KCNB2: variants seen among roughly 807,000 people sequenced by gnomAD.
KCNB2 encodes the protein delayed rectifier potassium channel protein.
Under a neutral mutation model 61.5 loss-of-function variants are expected in KCNB2, and 15 were observed. The ratio of observed to expected loss-of-function variants is 0.24; its 90% CI spans 0.16 to 0.38. The LOEUF (loss-of-function observed/expected upper bound fraction) is 0.38, where lower values mean the gene tolerates loss of function less well. KCNB2 is among the 10% of genes least tolerant of loss of function. The pLI, the probability that KCNB2 is intolerant of heterozygous loss-of-function variation, is 1.00. For synonymous variants in KCNB2, 457 were observed against 446.0 expected (o/e 1.02, Z -0.31); for missense variants, 828 against 1,125.2 (o/e 0.74, Z 3.78).
chr8:72,601,359 C>T (rs1487457198), intron 2 of KCNB2, among the ~76,000 whole-genome samples: 5 of 152,086 alleles, frequency 3.3e-5, no homozygotes, highest in African/African-American at 9.7e-5. Context: ...ATGGGAAATA[C>T]TGTCATTAGA....
chr8:72,790,665 C>T (rs148040121), intron 2 of KCNB2, among the ~76,000 whole-genome samples: 242 of 152,208 alleles, frequency 1.6e-3, no homozygotes, highest in African/African-American at 5.4e-3. Context: ...TTTTTTTCTC[C>T]TACTACCTCT....
intron 2 of KCNB2, among the ~76,000 whole-genome samples, chr8:72,788,669 G>T (rs1411361546): frequency 6.6e-6 from 1 of 152,108 alleles, no homozygotes; most frequent in African/African-American, 2.4e-5. Context: ...AAGAGGACAA[G>T]TTTCAGTCCA....
chr8:72,572,912 T>C (rs1806734331), intron 2 of KCNB2, among the ~76,000 whole-genome samples: 1 of 152,136 alleles, frequency 6.6e-6, no homozygotes, highest in African/African-American at 2.4e-5. Context: ...CACAGGTCCA[T>C]TGTCGTTGGC....
At chr8:72,616,493 T>A (rs1292987441) in intron 2 of KCNB2, among the ~76,000 whole-genome samples, 1 of 152,230 alleles carries the variant, frequency 6.6e-6, no homozygotes, top group Non-Finnish European at 1.5e-5. Context: ...TAGGCTTTTT[T>A]CTTTTTTCAT....
At chr8:72,889,809 G>A (rs1167144264) in intron 2 of KCNB2, among the ~76,000 whole-genome samples, 1 of 152,170 alleles carries the variant, frequency 6.6e-6, no homozygotes, top group East Asian at 1.9e-4. Flanking sequence ...CATCTGGAGT[G>A]CAGTGGTACA....
chr8:72,684,730 A>G (rs1215704890), intron 2 of KCNB2, among the ~76,000 whole-genome samples: 1 of 152,188 alleles, frequency 6.6e-6, no homozygotes, highest in Admixed American at 6.5e-5. Flanking sequence ...GTTAAAACAG[A>G]CTATCACTAG....
At chr8:72,778,123 G>T (rs1351624187) in intron 2 of KCNB2, among the ~76,000 whole-genome samples, 1 of 152,092 alleles carries the variant, frequency 6.6e-6, no homozygotes, top group Non-Finnish European at 1.5e-5. Context: ...AGCTCCTGTG[G>T]GTGGACCATA....
At chr8:72,839,860 GC>G (rs1358894210) in intron 2 of KCNB2, among the ~76,000 whole-genome samples, 1 of 151,422 alleles carries the variant, frequency 6.6e-6, no homozygotes, top group African/African-American at 2.4e-5. Context: ...TGATCCACCC[GC>G]CTCCGCCTCC....
chr8:72,731,834 A>G (rs1209295101), intron 2 of KCNB2, among the ~76,000 whole-genome samples: 1 of 152,202 alleles, frequency 6.6e-6, no homozygotes, highest in East Asian at 1.9e-4. Flanking sequence ...TGATTCTTTG[A>G]TGTCATGCCT....
intron 2 of KCNB2, among the ~76,000 whole-genome samples, chr8:72,919,871 T>C (rs190063157): frequency 1.8e-4 from 28 of 152,300 alleles, no homozygotes; most frequent in African/African-American, 6.3e-4. Flanking sequence ...CAGACATATG[T>C]CTTCATCTAT....
intron 2 of KCNB2, among the ~76,000 whole-genome samples, chr8:72,789,327 G>A (rs891328087): frequency 1.3e-5 from 2 of 152,180 alleles, no homozygotes; most frequent in African/African-American, 2.4e-5. Flanking sequence ...TAATTGAAAA[G>A]CAATAGACCT....
At chr8:72,651,481 C>T (rs1222363869) in intron 2 of KCNB2, among the ~76,000 whole-genome samples, 1 of 152,096 alleles carries the variant, frequency 6.6e-6, no homozygotes, top group East Asian at 1.9e-4. Context: ...CATTAAACCC[C>T]TACTGTTAAA....
chr8:72,711,329 C>T (rs1807322310), intron 2 of KCNB2, among the ~76,000 whole-genome samples: 1 of 152,220 alleles, frequency 6.6e-6, no homozygotes, highest in Non-Finnish European at 1.5e-5. Context: ...CCAGAAGTAT[C>T]TGTGAGCAGC....
chr8:72,663,173 C>T (rs140727850), intron 2 of KCNB2, among the ~76,000 whole-genome samples: 31 of 152,230 alleles, frequency 2.0e-4, no homozygotes, highest in African/African-American at 6.7e-4. Context: ...TTGACAAAGG[C>T]TTTTAGAGGT....
At position 72,936,414 on chromosome 8, in the gene KCNB2, A is replaced by G. The variant is rs372154473; in HGVS notation, c.1059A>G (p.Val353=). The change falls in exon 3 of 3, where the codon GTA becomes GTG. Residue 353 remains valine, a synonymous_variant. Coordinates refer to ENST00000523207, the MANE Select transcript of KCNB2 (RefSeq NM_004770.3). This position sits in a 1 kb window ranked among gnomAD's most constrained non-coding sequence, Gnocchi z 5.6. ...GGATAATGATATTTTCCAGCCTGGT[A>G]TTTTTTGCTGAGAAGGATGAAGATG... ...AMGIMIFSSL[V]FFAEKDEDAT... is the part of the protein sequence containing the mutation. 1 of 1,614,086 alleles carries G rather than the reference A, an allele frequency of 6.2e-7. No homozygotes were observed. Among genetic ancestry groups the G allele is most frequent in the Non-Finnish European group, 8.5e-7 (1 of 1,180,004 alleles).
intron 2 of KCNB2, among the ~76,000 whole-genome samples, chr8:72,626,513 CT>C (rs1805791902): frequency 6.6e-6 from 1 of 152,180 alleles, no homozygotes; most frequent in Non-Finnish European, 1.5e-5. Context: ...AGAGCTAGCT[CT>C]TGTTGAATTG....
chr8:72,541,632 G>A (rs1806188921), intron 1 of KCNB2, among the ~76,000 whole-genome samples: 2 of 152,030 alleles, frequency 1.3e-5, no homozygotes, highest in South Asian at 4.1e-4. Context: ...GAGGATGCTT[G>A]AAAAAGGCCA....
chr8:72,589,889 G>A (rs1807066593), intron 2 of KCNB2, among the ~76,000 whole-genome samples: 1 of 152,098 alleles, frequency 6.6e-6, no homozygotes, highest in Non-Finnish European at 1.5e-5. Context: ...TTATTCTGGT[G>A]GTCTAGCCTG....
At chr8:72,754,404 T>C (rs1451145116) in intron 2 of KCNB2, among the ~76,000 whole-genome samples, 2 of 152,128 alleles carry the variant, frequency 1.3e-5, no homozygotes, top group Admixed American at 6.6e-5. Flanking sequence ...CCCAGACAGT[T>C]CCATTGCAGC....
Sources: gnomAD v4.1 joint callset for allele counts (sites outside exome capture counted in the v4.1 genomes callset) on GRCh38, gnomAD v4.1.1 for gene constraint, Gnocchi (gnomAD v3.1) non-coding constraint, MANE v1.5 for transcripts, NCBI Gene and HGNC (gene_info 2026-07-23, HGNC 2026-07-21) for gene names.